SOX5: variants seen among roughly 807,000 people sequenced by gnomAD.
SOX5 encodes transcription factor SOX-5.
SOX5 carries 9 observed loss-of-function variants against 92.0 expected under a neutral mutation model. The observed-to-expected ratio is 0.10, with a 90% CI of 0.06 to 0.17. The LOEUF (loss-of-function observed/expected upper bound fraction) is 0.17, where lower values mean the gene tolerates loss of function less well. SOX5 is among the 10% of genes least tolerant of loss of function. The pLI is 1.00. For synonymous variants in SOX5, 344 were observed against 336.3 expected, an observed-to-expected ratio of 1.02 and a Z score of -0.25; for missense variants, 642 against 944.5, an observed-to-expected ratio of 0.68 and a Z score of 4.20.
At chr12:23,588,179 AT>A (rs753643208) in intron 9 of SOX5, among the ~76,000 whole-genome samples, 19 of 152,042 alleles carry the variant, frequency 1.2e-4, no homozygotes, top group Non-Finnish European at 2.5e-4. Flanking sequence ...GCTTAGCTTG[AT>A]GATATATTCT....
intron 4 of SOX5, among the ~76,000 whole-genome samples, chr12:24,006,119 C>G (rs946287562): frequency 1.4e-4 from 22 of 152,232 alleles, no homozygotes; most frequent in African/African-American, 4.6e-4. Context: ...ATTACTCAGA[C>G]CCAGTCAGTA....
At chr12:23,995,669 G>A (rs1950965590) in intron 4 of SOX5, among the ~76,000 whole-genome samples, 1 of 152,154 alleles carries the variant, frequency 6.6e-6, no homozygotes, top group South Asian at 2.1e-4. Flanking sequence ...CTGCATCCCA[G>A]CCTGGGCAAC....
chr12:24,411,259 T>C (rs1008547614), intron 1 of SOX5, among the ~76,000 whole-genome samples: 32 of 152,012 alleles, frequency 2.1e-4, no homozygotes, highest in Non-Finnish European at 4.4e-4. Flanking sequence ...AAATGAAAAA[T>C]AGGGACAGTT....
intron 4 of SOX5, among the ~76,000 whole-genome samples, chr12:23,998,481 G>A (rs1951248198): frequency 6.6e-6 from 1 of 151,874 alleles, no homozygotes; most frequent in Non-Finnish European, 1.5e-5. Context: ...TATGAATAAT[G>A]GGAGTCTCAG....
intron 1 of SOX5, among the ~76,000 whole-genome samples, chr12:24,429,821 A>G (rs1937933504): frequency 6.6e-6 from 1 of 152,246 alleles, no homozygotes; most frequent in African/African-American, 2.4e-5. Flanking sequence ...GAAAAAATTA[A>G]AGGATTATAA....
intron 9 of SOX5, among the ~76,000 whole-genome samples, chr12:23,586,503 C>T (rs12231481): frequency 0.15 from 22,395 of 152,048 alleles, 2,094 homozygotes; most frequent in Admixed American, 0.24. Context: ...TCTTGCATTT[C>T]ATTTCGTTCG....
intron 13 of SOX5, among the ~76,000 whole-genome samples, chr12:23,538,799 C>CTTTTTTT (rs67268404): frequency 2.3e-4 from 25 of 108,122 alleles, no homozygotes; most frequent in East Asian, 1.1e-3. Context: ...CCAGCATTTT[C>CTTTTTTT]TTTTTTTTTT....
intron 2 of SOX5, among the ~76,000 whole-genome samples, chr12:24,279,377 C>G (rs997234336): frequency 9.2e-5 from 14 of 152,052 alleles, no homozygotes; most frequent in African/African-American, 1.2e-4. Context: ...TATAAGTACT[C>G]TGCACCCAAA....
At chr12:23,864,110 TATA>T (rs2096786341) in intron 2 of SOX5, among the ~76,000 whole-genome samples, 1 of 152,134 alleles carries the variant, frequency 6.6e-6, no homozygotes, top group Admixed American at 6.5e-5. Flanking sequence ...ATTTTTTCAT[TATA>T]ATTATTTCTA....
intron 2 of SOX5, among the ~76,000 whole-genome samples, chr12:24,299,010 T>C (rs1947647597): frequency 6.6e-6 from 1 of 152,162 alleles, no homozygotes; most frequent in Non-Finnish European, 1.5e-5. Flanking sequence ...GTATTGGGTC[T>C]ATGTGTGAGA....
At chr12:24,070,927 T>G (rs1432748247) in intron 4 of SOX5, among the ~76,000 whole-genome samples, 3 of 152,190 alleles carry the variant, frequency 2.0e-5, no homozygotes. Flanking sequence ...AAAACTAGGC[T>G]AGTTTTGCCT....
intron 1 of SOX5, among the ~76,000 whole-genome samples, chr12:24,481,254 G>T (rs1331002683): frequency 6.6e-6 from 1 of 152,124 alleles, no homozygotes; most frequent in African/African-American, 2.4e-5. Context: ...GTTACCAGAG[G>T]CTGGAAAGCG....
chr12:23,903,067 C>T (rs564271146), intron 1 of SOX5, among the ~76,000 whole-genome samples: 16 of 152,226 alleles, frequency 1.1e-4, no homozygotes, highest in Non-Finnish European at 1.9e-4. Flanking sequence ...CCTACTCATC[C>T]ATTTATCCAC....
chr12:23,601,957 C>T (rs2074556321), intron 9 of SOX5, among the ~76,000 whole-genome samples: 1 of 152,098 alleles, frequency 6.6e-6, no homozygotes, highest in African/African-American at 2.4e-5. Flanking sequence ...ATCGTTGTTA[C>T]TTGAAAAGAG....
chr12:23,806,327 C>G (rs1400657811), intron 3 of SOX5, among the ~76,000 whole-genome samples: 3 of 152,110 alleles, frequency 2.0e-5, no homozygotes, highest in Non-Finnish European at 2.9e-5. Flanking sequence ...CTAACAGAGG[C>G]AAGGTCAAGA....
chr12:24,416,226 G>A (rs2136866721), intron 1 of SOX5, among the ~76,000 whole-genome samples: 1 of 152,330 alleles, frequency 6.6e-6, no homozygotes, highest in Non-Finnish European at 1.5e-5. Context: ...GCTCTAAGAA[G>A]CAGGTCTTCT....
intron 4 of SOX5, among the ~76,000 whole-genome samples, chr12:23,992,602 G>A (rs900345775): frequency 1.3e-5 from 2 of 151,924 alleles, no homozygotes; most frequent in Non-Finnish European, 2.9e-5. Flanking sequence ...TTCAATAATC[G>A]TTTTGTACAT....
intron 4 of SOX5, among the ~76,000 whole-genome samples, chr12:24,187,088 A>T: frequency 6.6e-6 from 1 of 152,214 alleles, no homozygotes; most frequent in East Asian, 1.9e-4. Context: ...GGCCACTGAG[A>T]TAGGTAAACC....
intron 6 of SOX5, among the ~76,000 whole-genome samples, chr12:23,670,808 A>AACC (rs77725475): frequency 0.8 from 120,953 of 151,422 alleles, 48,440 homozygotes; most frequent in African/African-American, 0.87. Flanking sequence ...GAGCAAGCAA[A>AACC]ACCACAGACA....
Sources: allele counts gnomAD v4.1 joint callset (sites outside exome capture counted in the v4.1 genomes callset), GRCh38; gene constraint gnomAD v4.1.1; transcripts MANE v1.5; gene names NCBI Gene and HGNC (gene_info 2026-07-23, HGNC 2026-07-21).